The following CRACR2A variants were observed in gnomAD, a reference collection of about 807,000 sequenced individuals.
CRACR2A encodes EF-hand calcium-binding domain-containing protein 4B.
CRACR2A carries 79 observed loss-of-function variants against 90.5 expected under a neutral mutation model. That is an observed-to-expected ratio of 0.87 (90% CI 0.73 to 1.05). The LOEUF (loss-of-function observed/expected upper bound fraction) is 1.05, where lower values mean the gene tolerates loss of function less well. Ranked by LOEUF, CRACR2A falls within the 50% of genes least tolerant of loss-of-function variation. The probability of loss-of-function intolerance (pLI) is 0.00; values close to 1 mark genes in which losing one functional copy is unlikely to be tolerated. For synonymous variants in CRACR2A, 338 were observed against 356.7 expected, an observed-to-expected ratio of 0.95 and a Z score of 0.59; for missense variants, 823 against 897.2, an observed-to-expected ratio of 0.92 and a Z score of 1.06.
intron 7 of CRACR2A, among the ~76,000 whole-genome samples, chr12:3,666,011 G>A (rs1290349010): frequency 6.6e-6 from 1 of 152,102 alleles, no homozygotes; most frequent in East Asian, 1.9e-4. Flanking sequence ...AACCCTCCTA[G>A]GTTCTGGCTG....
At chr12:3,736,913 A>C (rs1422487202) in intron 1 of CRACR2A, among the ~76,000 whole-genome samples, 2 of 152,208 alleles carry the variant, frequency 1.3e-5, no homozygotes, top group South Asian at 2.1e-4. Context: ...TGGAAGCAGA[A>C]GCCAGATTCA....
chr12:3,697,249 G>C (rs1356978331), intron 3 of CRACR2A, among the ~76,000 whole-genome samples: 1 of 152,202 alleles, frequency 6.6e-6, no homozygotes, highest in Non-Finnish European at 1.5e-5. Flanking sequence ...GAGGAGGGAA[G>C]AGTGCGGAAA....
intron 1 of CRACR2A, among the ~76,000 whole-genome samples, chr12:3,744,598 G>T (rs889373393): frequency 6.6e-6 from 1 of 152,216 alleles, no homozygotes; most frequent in Non-Finnish European, 1.5e-5. Context: ...ACCCTGGGGA[G>T]AAATATGCAA....
intron 17 of CRACR2A, among the ~76,000 whole-genome samples, chr12:3,619,912 C>T (rs776716027): frequency 5.3e-5 from 8 of 152,198 alleles, no homozygotes; most frequent in African/African-American, 9.6e-5. Context: ...CATGGTCTTG[C>T]GCCCACAAGG....
chr12:3,713,053 A>G (rs1946029147), intron 3 of CRACR2A, among the ~76,000 whole-genome samples, 184 bp downstream of exon 3: 1 of 152,048 alleles, frequency 6.6e-6, no homozygotes, highest in Non-Finnish European at 1.5e-5. Context: ...ATCATCTAGT[A>G]TTTTTAAAAC....
chr12:3,637,647 T>C (rs1460827571), intron 14 of CRACR2A, among the ~76,000 whole-genome samples: 2 of 152,036 alleles, frequency 1.3e-5, no homozygotes, highest in Non-Finnish European at 2.9e-5. Flanking sequence ...TCCCTCCACT[T>C]TCTTTTACGT....
chr12:3,649,438 G>A (rs957481137), intron 10 of CRACR2A, among the ~76,000 whole-genome samples: 4 of 152,036 alleles, frequency 2.6e-5, no homozygotes, highest in Non-Finnish European at 5.9e-5. Context: ...AGGAGCTCTG[G>A]AAGAATCACC....
intron 2 of CRACR2A, among the ~76,000 whole-genome samples, chr12:3,716,473 T>C (rs1195740526): frequency 6.6e-6 from 1 of 152,226 alleles, no homozygotes; most frequent in Non-Finnish European, 1.5e-5. Flanking sequence ...TTTCAGTCAA[T>C]ATTATGTAAG....
chr12:3,733,387 C>A (rs1305379989), intron 1 of CRACR2A, among the ~76,000 whole-genome samples, 177 bp from the exon 2 acceptor site: 1 of 152,246 alleles, frequency 6.6e-6, no homozygotes, highest in African/African-American at 2.4e-5. Context: ...GTGACCTCCT[C>A]CCCAGCTCAG....
chr12:3,671,337 AG>A (rs1945238920), intron 7 of CRACR2A, among the ~76,000 whole-genome samples: 1 of 152,132 alleles, frequency 6.6e-6, no homozygotes, highest in African/African-American at 2.4e-5. Flanking sequence ...GAGAGGAGAA[AG>A]GGTGAAGTGG....
chr12:3,633,818 T>C lies in CRACR2A; in HGVS notation c.1603-82A>G. The C allele has an allele frequency of 6.5e-7, 1 of 1,532,396 alleles. No homozygotes were observed. Among genetic ancestry groups the C allele is most frequent in the Non-Finnish European group, 8.8e-7 (1 of 1,138,062 alleles). 94.9% of individuals were successfully genotyped at this position (1,532,396 alleles called of 1,614,324 possible). ...CCTGCCACCAGAGGCCCTTTACCCA[T>C]CCCTACAGTGGCCCTCAGGAGGTGC... is the stretch of plus-strand genomic sequence containing the variant. On this transcript the variant is annotated intron_variant, in intron 14 of 19. Coordinates refer to ENST00000440314, the MANE Select transcript of CRACR2A (RefSeq NM_001144958.2). The surrounding 1 kb of genome is among the most constrained non-coding windows in gnomAD (Gnocchi z 4.5).
At chr12:3,621,069 C>T (rs188324943) in intron 17 of CRACR2A, among the ~76,000 whole-genome samples, 17 of 152,304 alleles carry the variant, frequency 1.1e-4, no homozygotes, top group South Asian at 8.3e-4. Context: ...ATGGGCCAAG[C>T]GGCTTGCTGT....
chr12:3,630,438 T>C (rs1208083265), intron 15 of CRACR2A, among the ~76,000 whole-genome samples: 1 of 152,132 alleles, frequency 6.6e-6, no homozygotes, highest in Non-Finnish European at 1.5e-5. Flanking sequence ...TGCAGGGATT[T>C]CTCTGTACAG....
chr12:3,745,825 T>TAAAAGAAAAGAAAG (rs149739964), intron 1 of CRACR2A, among the ~76,000 whole-genome samples: 4 of 100,484 alleles, frequency 4.0e-5, no homozygotes, highest in African/African-American at 1.6e-4. Context: ...TAAAATAAAA[T>TAAAAGAAAAGAAAG]AAAGAAAGAA....
chr12:3,745,788 A>ATAACATAAC (rs1356770696), intron 1 of CRACR2A, among the ~76,000 whole-genome samples: 7 of 7,370 alleles, frequency 9.5e-4, no homozygotes, highest in Non-Finnish European at 1.9e-3. Context: ...CAAAAAATAA[A>ATAACATAAC]ATAAAATAAA....
intron 3 of CRACR2A, among the ~76,000 whole-genome samples, chr12:3,698,152 G>A (rs1945774797): frequency 6.6e-6 from 1 of 152,124 alleles, no homozygotes; most frequent in South Asian, 2.1e-4. Flanking sequence ...TAAGTTCATG[G>A]GATAAAAGGA....
At chr12:3,631,578 G>C (rs1383886539) in intron 15 of CRACR2A, among the ~76,000 whole-genome samples, 1 of 152,222 alleles carries the variant, frequency 6.6e-6, no homozygotes, top group African/African-American at 2.4e-5. Flanking sequence ...CTCAAGGCCA[G>C]ACAAGGCCAG....
chr12:3,696,002 A>G (rs1336367236), intron 4 of CRACR2A, among the ~76,000 whole-genome samples: 3 of 152,222 alleles, frequency 2.0e-5, no homozygotes, highest in Non-Finnish European at 4.4e-5. Flanking sequence ...TTACATTTTT[A>G]AATGGTCAAA....
chr12:3,741,401 T>G (rs1269576858), intron 1 of CRACR2A, among the ~76,000 whole-genome samples: 2 of 152,206 alleles, frequency 1.3e-5, no homozygotes, highest in Non-Finnish European at 2.9e-5. Context: ...TCTATTATAA[T>G]GATATAAGAA....
Sources: allele counts gnomAD v4.1 joint callset (sites outside exome capture counted in the v4.1 genomes callset), GRCh38; gene constraint gnomAD v4.1.1; non-coding constraint Gnocchi (gnomAD v3.1); transcripts MANE v1.5; gene names NCBI Gene and HGNC (gene_info 2026-07-23, HGNC 2026-07-21).